SGCZ: variants seen among roughly 807,000 people sequenced by gnomAD.
The protein encoded by SGCZ is sarcoglycan zeta, also known as zeta-sarcoglycan.
SGCZ carries 40 observed loss-of-function variants against 41.3 expected under a neutral mutation model. That is an observed-to-expected ratio of 0.97 (90% CI 0.75 to 1.26). The LOEUF (loss-of-function observed/expected upper bound fraction) is 1.26. Ranked by LOEUF, SGCZ falls within the 50% of genes most tolerant of loss-of-function variation. SGCZ has a pLI of 0.00. For synonymous variants in SGCZ, 206 were observed against 137.5 expected (o/e 1.50, Z -3.49); for missense variants, 552 against 369.8 (o/e 1.49, Z -4.04).
At chr8:15,052,420 C>T (rs1563469804) in intron 1 of SGCZ, among the ~76,000 whole-genome samples, 1 of 152,228 alleles carries the variant, frequency 6.6e-6, no homozygotes, top group East Asian at 1.9e-4. Context: ...CTGAGTCATG[C>T]AAAGGTTAGG....
At chr8:14,141,091 A>C (rs1011531781) in intron 5 of SGCZ, among the ~76,000 whole-genome samples, 4 of 152,182 alleles carry the variant, frequency 2.6e-5, no homozygotes, top group Non-Finnish European at 4.4e-5. Context: ...CTATTTAATA[A>C]ATGGTGCTGG....
At chr8:14,424,597 TA>T (rs1484987312) in intron 2 of SGCZ, among the ~76,000 whole-genome samples, 1 of 150,800 alleles carries the variant, frequency 6.6e-6, no homozygotes, top group Non-Finnish European at 1.5e-5. Context: ...ATAATTCATA[TA>T]TTTTTTACTT....
At chr8:15,061,382 G>C (rs983855086) in intron 1 of SGCZ, among the ~76,000 whole-genome samples, 4 of 151,870 alleles carry the variant, frequency 2.6e-5, no homozygotes, top group Admixed American at 6.6e-5. Context: ...GGGGCCTGTT[G>C]GGGGTGCGGG....
intron 4 of SGCZ, among the ~76,000 whole-genome samples, chr8:14,206,072 C>T (rs191472667): frequency 6.6e-6 from 1 of 152,050 alleles, no homozygotes; most frequent in Non-Finnish European, 1.5e-5. Context: ...TTAAACATTT[C>T]TCTACCATTT....
At chr8:14,708,366 G>C (rs967605840) in intron 1 of SGCZ, among the ~76,000 whole-genome samples, 1 of 151,294 alleles carries the variant, frequency 6.6e-6, no homozygotes, top group Non-Finnish European at 1.5e-5. Flanking sequence ...TACATAAAGA[G>C]ATTTAATCAT....
At chr8:14,293,137 C>G (rs2116950384) in intron 3 of SGCZ, among the ~76,000 whole-genome samples, 1 of 151,744 alleles carries the variant, frequency 6.6e-6, no homozygotes, top group Middle Eastern at 3.4e-3. Flanking sequence ...TAAATGGAGT[C>G]TAAGGAAAGA....
chr8:14,202,054 T>G (rs932287023), intron 4 of SGCZ, among the ~76,000 whole-genome samples: 1 of 152,122 alleles, frequency 6.6e-6, no homozygotes. Context: ...TCTGCTACAA[T>G]GGTTGCAGAT....
chr8:15,066,647 T>A (rs1320348409), intron 1 of SGCZ, among the ~76,000 whole-genome samples: 1 of 152,208 alleles, frequency 6.6e-6, no homozygotes, highest in African/African-American at 2.4e-5. Flanking sequence ...TACCTCCACT[T>A]CTTCCATTTT....
intron 3 of SGCZ, among the ~76,000 whole-genome samples, chr8:14,304,852 A>G (rs1035535638): frequency 6.6e-6 from 1 of 152,196 alleles, no homozygotes; most frequent in African/African-American, 2.4e-5. Context: ...TGCATTAATT[A>G]TGGATATAAT....
chr8:14,386,327 A>C (rs1028706141), intron 2 of SGCZ, among the ~76,000 whole-genome samples: 1 of 152,018 alleles, frequency 6.6e-6, no homozygotes, highest in African/African-American at 2.4e-5. Context: ...CATTCTTAGT[A>C]ATTGAAAAGT....
chr8:14,731,770 C>G (rs1810246713), intron 1 of SGCZ, among the ~76,000 whole-genome samples: 1 of 151,938 alleles, frequency 6.6e-6, no homozygotes, highest in South Asian at 2.1e-4. Context: ...ATTCTACTTC[C>G]CACCAAATCT....
chr8:14,611,932 A>G (rs1010073089), intron 1 of SGCZ, among the ~76,000 whole-genome samples: 1 of 152,220 alleles, frequency 6.6e-6, no homozygotes, highest in African/African-American at 2.4e-5. Context: ...ATACAGGTAA[A>G]TATGATATGT....
intron 3 of SGCZ, among the ~76,000 whole-genome samples, chr8:14,306,387 T>C (rs1032693726): frequency 6.6e-6 from 1 of 152,208 alleles, no homozygotes; most frequent in African/African-American, 2.4e-5. Flanking sequence ...GATTAACTAT[T>C]TAGCCAATTT....
chr8:15,195,998 C>A (rs907057665), intron 1 of SGCZ, among the ~76,000 whole-genome samples: 2 of 133,918 alleles, frequency 1.5e-5, no homozygotes, highest in African/African-American at 2.8e-5. Context: ...CCCGGGTTCA[C>A]GCCATTCTCC....
intron 2 of SGCZ, among the ~76,000 whole-genome samples, chr8:14,398,517 G>T (rs1201778852): frequency 6.6e-6 from 1 of 152,114 alleles, no homozygotes; most frequent in Non-Finnish European, 1.5e-5. Context: ...AGAAGCTGAG[G>T]CAAAATTAAT....
At chr8:14,489,867 C>CTTTTTTTTT (rs67472735) in intron 2 of SGCZ, among the ~76,000 whole-genome samples, 1 of 137,666 alleles carries the variant, frequency 7.3e-6, no homozygotes, top group Non-Finnish European at 1.5e-5. Context: ...ATTCTCCTAC[C>CTTTTTTTTT]TTTTTTTTTT....
chr8:15,125,053 T>C (rs1477815729), intron 1 of SGCZ, among the ~76,000 whole-genome samples: 1 of 152,182 alleles, frequency 6.6e-6, no homozygotes, highest in Non-Finnish European at 1.5e-5. Context: ...TACACTAAGA[T>C]GAAGCTGCAC....
rs1000863892 is a variant in SGCZ at position 14,656,537 on chromosome 8, CTTTCTTTCCCTTTCTT to C, written c.40-101627_40-101612del. On this transcript the variant is annotated intron_variant, in intron 1 of 7. Transcript: ENST00000382080. ...CTTCCTTTTCTTTTCTTTCTTTTTT[CTTTCTTTCCCTTTCTT>C]TTTCTTTCTTTTCCTTCCCTGCTTC... 3.1e-5 allele frequency among the ~76,000 whole-genome samples: 4 copies of C among 129,954 alleles called. No homozygotes were observed. In the South Asian group the frequency reaches 8.6e-4, roughly 28 times the overall value. 85.3% of individuals were successfully genotyped at this position (129,954 alleles called of 152,430 possible). A position where few individuals can be genotyped will look rare whatever the true frequency, so the allele number is the denominator to read the frequency against.
intron 3 of SGCZ, among the ~76,000 whole-genome samples, chr8:14,243,523 C>T (rs192937673): frequency 6.6e-6 from 1 of 152,186 alleles, no homozygotes; most frequent in Non-Finnish European, 1.5e-5. Flanking sequence ...TCCTAACTCT[C>T]AGCTTGAAAG....
Sources: allele counts gnomAD v4.1 joint callset (sites outside exome capture counted in the v4.1 genomes callset), GRCh38; gene constraint gnomAD v4.1.1; transcripts MANE v1.5; gene names NCBI Gene and HGNC (gene_info 2026-07-23, HGNC 2026-07-21).